Variants in AGBL4 observed in about 807,000 individuals in gnomAD.
AGBL4 encodes the protein cytosolic carboxypeptidase 6.
Under a neutral mutation model 66.4 loss-of-function variants are expected in AGBL4, and 58 were observed. The observed-to-expected ratio is 0.87, with a 90% CI of 0.71 to 1.09. AGBL4 has a LOEUF of 1.09. Among genes scored for constraint, AGBL4 ranks in the 50% least tolerant of loss-of-function variants. The pLI is 0.00. For missense variants in AGBL4, 579 were observed against 631.0 expected (o/e 0.92, Z 0.88); for synonymous variants, 234 against 222.9 (o/e 1.05, Z -0.44).
chr1:48,878,022 A>G (rs1649391392), intron 5 of AGBL4, among the ~76,000 whole-genome samples: 2 of 152,206 alleles, frequency 1.3e-5, no homozygotes, highest in African/African-American at 4.8e-5. Context: ...CAGAAGTTTC[A>G]TATTACAAGA....
rs541319685 is a variant in AGBL4, at chr1:48,783,296, A to G, written c.634+83895T>C. Among the ~76,000 whole-genome samples, 11 of 152,232 alleles carry G rather than the reference A, an allele frequency of 7.2e-5. No individual in the cohort carries two copies. In the South Asian group the frequency reaches 2.3e-3, roughly 32 times the overall value. On this transcript the variant is annotated intron_variant, in intron 6 of 13. Transcript: ENST00000371839. ...TAAAGCAGGGGCATCAACCCAACTC[A>G]TTCATATGCACTCCTGCTCATGAAG...
intron 6 of AGBL4, among the ~76,000 whole-genome samples, chr1:48,679,666 A>G (rs1646423188): frequency 6.6e-6 from 1 of 152,230 alleles, no homozygotes; most frequent in African/African-American, 2.4e-5. Flanking sequence ...ATGGCTAGCC[A>G]GTGGATAAGC....
intron 11 of AGBL4, among the ~76,000 whole-genome samples, chr1:48,569,971 A>T (rs895335208): frequency 1.3e-5 from 2 of 152,348 alleles, no homozygotes; most frequent in South Asian, 4.1e-4. Flanking sequence ...CGCACTTGCC[A>T]TCACCTTTGG....
chr1:49,950,009 T>TACATACACAC (rs1655941567), intron 1 of AGBL4, among the ~76,000 whole-genome samples: 1 of 102,794 alleles, frequency 9.7e-6, no homozygotes, highest in East Asian at 2.6e-4. Flanking sequence ...TATATATATA[T>TACATACACAC]ACACACACAT....
At chr1:49,403,662 T>C (rs1645135975) in intron 3 of AGBL4, among the ~76,000 whole-genome samples, 1 of 152,224 alleles carries the variant, frequency 6.6e-6, no homozygotes, top group African/African-American at 2.4e-5. Context: ...TGTTCTTCAG[T>C]GTCTGGGCAT....
At chr1:48,575,522 C>T (rs1382557210) in intron 11 of AGBL4, among the ~76,000 whole-genome samples, 1 of 152,140 alleles carries the variant, frequency 6.6e-6, no homozygotes, top group Non-Finnish European at 1.5e-5. Flanking sequence ...ACTGGTGCTT[C>T]ACTAGCTGGT....
chr1:49,454,696 A>C (rs1646352065), intron 3 of AGBL4, among the ~76,000 whole-genome samples: 1 of 151,620 alleles, frequency 6.6e-6, no homozygotes, highest in East Asian at 1.9e-4. Flanking sequence ...TATTTTCTGA[A>C]TGCTAGGGTG....
At chr1:48,860,875 A>G (rs898608726) in intron 6 of AGBL4, among the ~76,000 whole-genome samples, 4 of 152,234 alleles carry the variant, frequency 2.6e-5, no homozygotes, top group Non-Finnish European at 2.9e-5. Context: ...AAACACATGA[A>G]GAAATCGAAT....
At chr1:48,756,794 C>A (rs1223631636) in intron 6 of AGBL4, among the ~76,000 whole-genome samples, 1 of 152,154 alleles carries the variant, frequency 6.6e-6, no homozygotes, top group African/African-American at 2.4e-5. Context: ...TTCCAGGATG[C>A]CTGTAGCCCT....
In AGBL4 at chr1:48,867,153, A is replaced by C. The variant is rs1163549927; in HGVS notation, c.634+38T>G. 2.5e-6 allele frequency: 4 copies of C among 1,606,834 alleles called. No homozygotes were observed. In the East Asian group the frequency reaches 6.7e-5, roughly 27 times the overall value. The stretch of plus-strand genomic sequence containing the variant: ...GGCAACAAGGCATCATTCAAGAAAT[A>C]AGGGAAAAGCAAAGGCAGAAGGGCC... On this transcript the variant is annotated intron_variant, in intron 6 of 13. Coordinates refer to ENST00000371839, the MANE Select transcript of AGBL4 (RefSeq NM_032785.4).
intron 6 of AGBL4, among the ~76,000 whole-genome samples, chr1:48,830,751 G>T (rs1646532851): frequency 6.6e-6 from 1 of 152,174 alleles, no homozygotes; most frequent in South Asian, 2.1e-4. Flanking sequence ...TAGCAATTTT[G>T]CTTTTGGGAA....
intron 4 of AGBL4, among the ~76,000 whole-genome samples, chr1:49,236,904 T>C (rs1034895972): frequency 8.6e-5 from 13 of 151,954 alleles, no homozygotes; most frequent in Non-Finnish European, 8.8e-5. Flanking sequence ...GGGGAGGTAA[T>C]TGAATCATGG....
chr1:49,114,856 C>T (rs1203984592), intron 4 of AGBL4, among the ~76,000 whole-genome samples: 1 of 152,048 alleles, frequency 6.6e-6, no homozygotes, highest in Non-Finnish European at 1.5e-5. Flanking sequence ...GTTTGTAGCA[C>T]CCCAAAACAA....
intron 2 of AGBL4, among the ~76,000 whole-genome samples, chr1:49,716,169 T>C (rs1648116595): frequency 6.6e-6 from 1 of 152,180 alleles, no homozygotes; most frequent in African/African-American, 2.4e-5. Context: ...TTTCTGCATA[T>C]GGCTAGCTAG....
intron 2 of AGBL4, among the ~76,000 whole-genome samples, chr1:49,830,234 C>G (rs1370840417): frequency 6.6e-6 from 1 of 152,154 alleles, no homozygotes; most frequent in East Asian, 1.9e-4. Context: ...CTCCCACCAA[C>G]AGTGTAAAAG....
intron 3 of AGBL4, among the ~76,000 whole-genome samples, chr1:49,327,289 C>T (rs1645245740): frequency 6.6e-6 from 1 of 152,156 alleles, no homozygotes; most frequent in South Asian, 2.1e-4. Context: ...TGTCACATCA[C>T]CTCTTATCTG....
At chr1:49,864,207 C>T (rs1057497796) in intron 1 of AGBL4, among the ~76,000 whole-genome samples, 1 of 151,816 alleles carries the variant, frequency 6.6e-6, no homozygotes, top group Admixed American at 6.6e-5. Context: ...ATCTAAAAAT[C>T]AAAACAATTG....
At chr1:48,840,662 T>C (rs545527997) in intron 6 of AGBL4, among the ~76,000 whole-genome samples, 3 of 152,182 alleles carry the variant, frequency 2.0e-5, no homozygotes, top group South Asian at 4.2e-4. Context: ...TAACCAGAAA[T>C]CTCAAATATT....
chr1:48,850,278 G>A (rs1367233066), intron 6 of AGBL4, among the ~76,000 whole-genome samples: 1 of 152,192 alleles, frequency 6.6e-6, no homozygotes, highest in African/African-American at 2.4e-5. Context: ...CAACTGAGGT[G>A]ACTTAGCCCT....
Sources: allele counts gnomAD v4.1 joint callset (sites outside exome capture counted in the v4.1 genomes callset), GRCh38; gene constraint gnomAD v4.1.1; transcripts MANE v1.5; gene names NCBI Gene and HGNC (gene_info 2026-07-23, HGNC 2026-07-21).